The following RASA2 variants were observed in gnomAD, a reference collection of about 807,000 sequenced individuals.
RASA2 encodes the protein ras GTPase-activating protein 2.
A neutral mutation model predicts 118.2 loss-of-function variants in RASA2; 155 were observed. The observed-to-expected ratio is 1.31, with a 90% CI of 1.15 to 1.50. RASA2 has a LOEUF of 1.50. RASA2 is among the 40% of genes most tolerant of loss of function. RASA2 has a pLI of 0.00. For missense variants in RASA2, 1,016 were observed against 1,009.6 expected, an observed-to-expected ratio of 1.01 and a Z score of -0.09; for synonymous variants, 353 against 349.1, an observed-to-expected ratio of 1.01 and a Z score of -0.12.
intron 1 of RASA2, among the ~76,000 whole-genome samples, chr3:141,499,104 G>C (rs1373581166): frequency 6.6e-6 from 1 of 152,136 alleles, no homozygotes; most frequent in Non-Finnish European, 1.5e-5. Context: ...CTAACTTCTT[G>C]TTCTAGATTA....
chr3:141,492,754 G>A (rs1413879946), intron 1 of RASA2, among the ~76,000 whole-genome samples: 6 of 152,136 alleles, frequency 3.9e-5, no homozygotes, highest in African/African-American at 1.4e-4. Context: ...ATGATTCACT[G>A]TTTTAAAAAT....
intron 19 of RASA2, among the ~76,000 whole-genome samples, chr3:141,605,557 G>A (rs1425100630): frequency 6.6e-6 from 1 of 152,078 alleles, no homozygotes; most frequent in African/African-American, 2.4e-5. Flanking sequence ...TGCATTCTTT[G>A]TGTATTCAAC....
At chr3:141,543,457 G>A (rs1479345612) in intron 5 of RASA2, among the ~76,000 whole-genome samples, 1 of 152,136 alleles carries the variant, frequency 6.6e-6, no homozygotes, top group South Asian at 2.1e-4. Flanking sequence ...AGAGGAAAAG[G>A]AAAGTGTAAG....
chr3:141,538,391 AT>A (rs1225085794), intron 4 of RASA2, among the ~76,000 whole-genome samples: 2 of 152,204 alleles, frequency 1.3e-5, no homozygotes, highest in Admixed American at 1.3e-4. Context: ...AACTTTTAAA[AT>A]CTAGAGCAAA....
At chr3:141,490,533 A>G (rs891034219) in intron 1 of RASA2, among the ~76,000 whole-genome samples, 2 of 152,138 alleles carry the variant, frequency 1.3e-5, no homozygotes, top group African/African-American at 2.4e-5. Context: ...GTGTGGGCTT[A>G]TCTACTCAAG....
chr3:141,516,354 T>C lies in RASA2; in HGVS notation c.278T>C (p.Phe93Ser). 6.4e-7 allele frequency: 1 copy of C among 1,566,432 alleles called. No individual in the cohort carries two copies. Among genetic ancestry groups the C allele is most frequent in the Non-Finnish European group, 8.6e-7 (1 of 1,157,846 alleles). The change falls in exon 3 of 24, where the codon TTT becomes TCT. Residue 93 changes from phenylalanine (F) to serine (S), a missense_variant. Phe to Ser is a radical substitution (Grantham distance 155). Around this residue, in one of 2 missense-constraint regions of RASA2, gnomAD observed 896 missense variants for 836.4 expected, o/e 1.07. Transcript: ENST00000286364. ...CCATTTTTCAGTGAAGAATTTTACT[T>C]TGAGATTCCAAGAACTTTCCAGTAT... Reference protein sequence around the residue: ...LSPFFSEEFYFEIPRTFQYLS... With the variant: ...LSPFFSEEFYSEIPRTFQYLS...
At chr3:141,531,311 GCT>G (rs2082255381) in intron 4 of RASA2, among the ~76,000 whole-genome samples, 1 of 151,688 alleles carries the variant, frequency 6.6e-6, no homozygotes, top group Non-Finnish European at 1.5e-5. Flanking sequence ...AAGAGTTCCA[GCT>G]CTCAAAAGGT....
chr3:141,528,500 G>T (rs558374836), intron 3 of RASA2, among the ~76,000 whole-genome samples: 3 of 151,986 alleles, frequency 2.0e-5, no homozygotes, highest in Admixed American at 2.0e-4. Flanking sequence ...TACGGTTCTT[G>T]TAACTTTTCT....
chr3:141,577,444 A>AT (rs2083031739), intron 15 of RASA2, among the ~76,000 whole-genome samples: 1 of 152,010 alleles, frequency 6.6e-6, no homozygotes. Context: ...TTTCATTTTG[A>AT]TAGGTTTTTT....
At position 141,487,079 on chromosome 3, in the gene RASA2, G is replaced by A. The variant is rs764459706; in HGVS notation, c.-5G>A. ...GCAGGGCTGCGGCACGGGCCGGGCG[G>A]CACCATGGCGGCGGCGGCGCCTGCT... On this transcript the variant is annotated 5_prime_UTR_variant, in exon 1 of 24. Transcript: ENST00000286364. 1.7e-5 allele frequency: 23 copies of A among 1,341,160 alleles called. No individual in the cohort carries two copies. Among genetic ancestry groups the A allele is most frequent in the Non-Finnish European group, 2.1e-5 (22 of 1,033,354 alleles). 83.1% of individuals were successfully genotyped at this position (1,341,160 alleles called of 1,614,324 possible). A position where few individuals can be genotyped will look rare whatever the true frequency, so the allele number is the denominator to read the frequency against.
intron 4 of RASA2, among the ~76,000 whole-genome samples, chr3:141,536,118 C>T (rs899179768): frequency 7.9e-5 from 12 of 152,166 alleles, no homozygotes; most frequent in South Asian, 4.2e-4. Flanking sequence ...CCCATTTTCA[C>T]GCTGCTGATA....
intron 1 of RASA2, among the ~76,000 whole-genome samples, chr3:141,494,806 C>G (rs1019433151): frequency 4.6e-5 from 7 of 151,768 alleles, no homozygotes; most frequent in African/African-American, 1.7e-4. Context: ...GAGTTACAGT[C>G]TTCTTGATTT....
At position 141,562,388 on chromosome 3, in the gene RASA2, GCA is replaced by G. The variant is rs1560033949; in HGVS notation, c.863+2394_863+2395del. Among the ~76,000 whole-genome samples, 7 of 146,778 alleles carry G rather than the reference GCA, an allele frequency of 4.8e-5. No individual in the cohort carries two copies. In the South Asian group the frequency reaches 1.5e-3, roughly 32 times the overall value. On this transcript the variant is annotated intron_variant, in intron 9 of 23. Transcript: ENST00000286364. ...CCTGTAATCCCAGCACTTTGGGAGC[GCA>G]AGGCAGGCGGATCATGAGGTCAGGA...
intron 3 of RASA2, among the ~76,000 whole-genome samples, chr3:141,519,966 A>C (rs752677168): frequency 1.3e-5 from 2 of 151,438 alleles, no homozygotes; most frequent in Non-Finnish European, 2.9e-5. Flanking sequence ...CAGAGACTAC[A>C]TAGGTAGGAA....
At chr3:141,587,889 G>C (rs1346418467) in intron 19 of RASA2, among the ~76,000 whole-genome samples, 2 of 146,928 alleles carry the variant, frequency 1.4e-5, no homozygotes, top group Non-Finnish European at 3.0e-5. Flanking sequence ...TTGGTTAAAA[G>C]TGAGAATCAT....
intron 19 of RASA2, among the ~76,000 whole-genome samples, chr3:141,601,065 C>T (rs554511680): frequency 6.6e-6 from 1 of 152,198 alleles, no homozygotes; most frequent in East Asian, 1.9e-4. Context: ...ACATATGGTG[C>T]AGGAACGACC....
At chr3:141,513,325 T>C (rs181503149) in intron 2 of RASA2, among the ~76,000 whole-genome samples, 1 of 152,186 alleles carries the variant, frequency 6.6e-6, no homozygotes, top group East Asian at 1.9e-4. Context: ...AAAGGTATTG[T>C]ATAAAACTGA....
At chr3:141,505,083 C>G (rs553845483) in intron 1 of RASA2, among the ~76,000 whole-genome samples, 1 of 152,332 alleles carries the variant, frequency 6.6e-6, no homozygotes, top group East Asian at 1.9e-4. Context: ...TCTCTACCCT[C>G]TGGGCCTGCC....
chr3:141,492,297 A>G (rs1465922898), intron 1 of RASA2, among the ~76,000 whole-genome samples: 1 of 152,230 alleles, frequency 6.6e-6, no homozygotes, highest in East Asian at 1.9e-4. Flanking sequence ...TGACAATAAT[A>G]TCAGATTACA....
Sources: allele counts gnomAD v4.1 joint callset (sites outside exome capture counted in the v4.1 genomes callset), GRCh38; gene constraint gnomAD v4.1.1; regional missense constraint gnomAD v4.1.1; transcripts MANE v1.5; gene names NCBI Gene and HGNC (gene_info 2026-07-23, HGNC 2026-07-21).